Variants in ITCH observed in about 807,000 individuals in gnomAD.
The protein encoded by ITCH is E3 ubiquitin-protein ligase Itchy homolog.
A neutral mutation model predicts 126.8 loss-of-function variants in ITCH; 28 were observed. The observed-to-expected ratio is 0.22, with a 90% CI of 0.16 to 0.30. ITCH has a LOEUF of 0.30. Ranked by LOEUF, ITCH falls within the 10% of genes least tolerant of loss-of-function variation. The pLI is 1.00. For synonymous variants in ITCH, 342 were observed against 340.0 expected (o/e 1.01, Z -0.06); for missense variants, 631 against 1,032.4 (o/e 0.61, Z 5.33).
chr20:34,425,164 T>G (rs576316031), intron 7 of ITCH, among the ~76,000 whole-genome samples: 1 of 152,318 alleles, frequency 6.6e-6, no homozygotes, highest in African/African-American at 2.4e-5. Context: ...TGTGCTGTAT[T>G]GATTCAAGGT....
intron 22 of ITCH, among the ~76,000 whole-genome samples, chr20:34,491,062 C>T (rs965101988): frequency 6.6e-6 from 1 of 152,080 alleles, no homozygotes; most frequent in African/African-American, 2.4e-5. Flanking sequence ...TCACAACTTA[C>T]CCATTGTAAA....
intron 23 of ITCH, among the ~76,000 whole-genome samples, chr20:34,494,636 A>T (rs1989735369): frequency 6.6e-6 from 1 of 152,186 alleles, no homozygotes; most frequent in African/African-American, 2.4e-5. Context: ...TTGTGTTGGG[A>T]ACATTCAAAA....
At chr20:34,420,757 T>A (rs1292344698) in intron 6 of ITCH, among the ~76,000 whole-genome samples, 1 of 152,208 alleles carries the variant, frequency 6.6e-6, no homozygotes, top group South Asian at 2.1e-4. Flanking sequence ...CTCTTCCTCA[T>A]TGAGGTTTGT....
At chr20:34,472,118 G>A (rs1407663300) in intron 16 of ITCH, among the ~76,000 whole-genome samples, 2 of 152,128 alleles carry the variant, frequency 1.3e-5, no homozygotes, top group Admixed American at 6.5e-5. Context: ...GCTCATGCCT[G>A]TAATCCCAGC....
intron 2 of ITCH, among the ~76,000 whole-genome samples, chr20:34,379,039 A>G (rs755685825): frequency 6.6e-6 from 1 of 152,178 alleles, no homozygotes. Context: ...ATTAAAAACT[A>G]TATTCTGTAT....
chr20:34,419,888 A>T (rs1980526011), intron 6 of ITCH, among the ~76,000 whole-genome samples: 1 of 152,094 alleles, frequency 6.6e-6, no homozygotes, highest in South Asian at 2.1e-4. Context: ...ACCGGGTTTT[A>T]AGATTTTTAT....
chr20:34,446,299 CT>C (rs1292308398), intron 11 of ITCH, among the ~76,000 whole-genome samples: 1 of 152,208 alleles, frequency 6.6e-6, no homozygotes, highest in Non-Finnish European at 1.5e-5. Context: ...ATCTCTTCCC[CT>C]CCACTGCCAT....
chr20:34,431,073 A>G (rs910027860), intron 7 of ITCH, among the ~76,000 whole-genome samples: 3 of 152,150 alleles, frequency 2.0e-5, no homozygotes, highest in Non-Finnish European at 4.4e-5. Context: ...CATAGAACCA[A>G]AACCTAAGAA....
intron 16 of ITCH, chr20:34,475,807 A>G: frequency 6.0e-6 from 4 of 664,468 alleles, no homozygotes; most frequent in Non-Finnish European, 1.1e-5. Flanking sequence ...AAGGTGAATT[A>G]AAATAGTAAA....
intron 14 of ITCH, among the ~76,000 whole-genome samples, chr20:34,468,538 C>A (rs1339741145): frequency 6.6e-6 from 1 of 151,824 alleles, no homozygotes; most frequent in Non-Finnish European, 1.5e-5. Context: ...CGCCTGTAAT[C>A]CCAGCACTTT....
intron 4 of ITCH, among the ~76,000 whole-genome samples, chr20:34,411,920 A>G (rs1438555014): frequency 1.3e-5 from 2 of 152,212 alleles, no homozygotes; most frequent in Admixed American, 6.5e-5. Context: ...GGACTGGGCA[A>G]CTTGCCTCTA....
chr20:34,468,310 A>G (rs1036178507), intron 14 of ITCH, among the ~76,000 whole-genome samples: 1 of 151,728 alleles, frequency 6.6e-6, no homozygotes, highest in Non-Finnish European at 1.5e-5. Flanking sequence ...CTGGGATTAC[A>G]GGCGTGAGCT....
intron 23 of ITCH, among the ~76,000 whole-genome samples, chr20:34,494,635 G>A (rs778280646): frequency 1.2e-4 from 18 of 152,112 alleles, no homozygotes; most frequent in Non-Finnish European, 2.6e-4. Flanking sequence ...TTTGTGTTGG[G>A]AACATTCAAA....
intron 20 of ITCH, among the ~76,000 whole-genome samples, chr20:34,488,585 C>T (rs1989295619): frequency 6.6e-6 from 1 of 151,930 alleles, no homozygotes; most frequent in Non-Finnish European, 1.5e-5. Flanking sequence ...TGGTGGCGCA[C>T]GCCTGTAATG....
chr20:34,443,122 T>C lies in ITCH; in HGVS notation c.965+819T>C, dbSNP rs144139374. On this transcript the variant is annotated intron_variant, in intron 10 of 24. Transcript: ENST00000374864. The stretch of plus-strand genomic sequence containing the variant: ...CAGTCATATATTAAAATGAAGTTCT[T>C]ATTATATTTAAAAAACTATAATAGC... 9.1e-4 allele frequency among the ~76,000 whole-genome samples: 139 copies of C among 152,264 alleles called. No individual in the cohort carries two copies. In the East Asian group the frequency reaches 0.016, roughly 17 times the overall value.
intron 3 of ITCH, among the ~76,000 whole-genome samples, chr20:34,398,560 G>A (rs1455183587): frequency 6.6e-6 from 1 of 151,920 alleles, no homozygotes; most frequent in African/African-American, 2.4e-5. Context: ...CACTATGCCT[G>A]GCTAATTTTT....
At chr20:34,410,260 C>T (rs547100551) in intron 4 of ITCH, among the ~76,000 whole-genome samples, 2 of 151,674 alleles carry the variant, frequency 1.3e-5, no homozygotes, top group South Asian at 4.2e-4. Flanking sequence ...CCCAGCTACT[C>T]GGGAGGCTGA....
At chr20:34,458,345 A>C (rs1279091718) in intron 13 of ITCH, among the ~76,000 whole-genome samples, 1 of 152,314 alleles carries the variant, frequency 6.6e-6, no homozygotes, top group East Asian at 1.9e-4. Flanking sequence ...AGATATATGT[A>C]CATTATCACA....
intron 6 of ITCH, among the ~76,000 whole-genome samples, chr20:34,417,656 T>G (rs1980110699): frequency 3.6e-5 from 5 of 140,516 alleles, no homozygotes; most frequent in African/African-American, 8.0e-5. Flanking sequence ...TGCCTAGGCC[T>G]CCCAAAGTGC....
Sources: gnomAD v4.1 joint callset for allele counts (sites outside exome capture counted in the v4.1 genomes callset) on GRCh38, gnomAD v4.1.1 for gene constraint, MANE v1.5 for transcripts, NCBI Gene and HGNC (gene_info 2026-07-23, HGNC 2026-07-21) for gene names.